The following HPSE2 variants were observed in gnomAD, a reference collection of about 807,000 sequenced individuals.
The protein encoded by HPSE2 is heparanase 2 (inactive), also known as inactive heparanase-2.
Under a neutral mutation model 60.5 loss-of-function variants are expected in HPSE2, and 38 were observed. That is an observed-to-expected ratio of 0.63 (90% CI 0.48 to 0.82). HPSE2 has a LOEUF of 0.82. Ranked by LOEUF, HPSE2 falls within the 40% of genes least tolerant of loss-of-function variation. The pLI is 0.00. For missense variants in HPSE2, 713 were observed against 740.4 expected, an observed-to-expected ratio of 0.96 and a Z score of 0.43; for synonymous variants, 295 against 293.2, an observed-to-expected ratio of 1.01 and a Z score of -0.06.
chr10:98,916,160 G>A (rs1323596561), intron 3 of HPSE2, among the ~76,000 whole-genome samples: 1 of 152,182 alleles, frequency 6.6e-6, no homozygotes, highest in Non-Finnish European at 1.5e-5. Context: ...AACCATCCAG[G>A]TTTGTCAGAG....
At chr10:98,563,032 AGGTTAC>A (rs1438192121) in intron 9 of HPSE2, among the ~76,000 whole-genome samples, 1 of 152,178 alleles carries the variant, frequency 6.6e-6, no homozygotes, top group East Asian at 1.9e-4. Flanking sequence ...GTTCCTCAAA[AGGTTAC>A]ACACAGAGTT....
chr10:98,882,421 G>A (rs944910200), intron 3 of HPSE2, among the ~76,000 whole-genome samples: 1 of 151,968 alleles, frequency 6.6e-6, no homozygotes, highest in African/African-American at 2.4e-5. Flanking sequence ...TCATGAGTCA[G>A]TTGCGGCTCT....
chr10:98,976,872 C>A (rs1341062415), intron 3 of HPSE2, among the ~76,000 whole-genome samples: 3 of 152,092 alleles, frequency 2.0e-5, no homozygotes, highest in Non-Finnish European at 2.9e-5. Flanking sequence ...TATGAGCAGG[C>A]CTTCAATCCA....
chr10:99,239,422 T>TG (rs1849910421), upstream of HPSE2, among the ~76,000 whole-genome samples: 5 of 123,754 alleles, frequency 4.0e-5, no homozygotes, highest in African/African-American at 1.3e-4. Flanking sequence ...GTCAAGGTTT[T>TG]TTTTTTTTTT....
intron 3 of HPSE2, among the ~76,000 whole-genome samples, chr10:98,797,524 T>C (rs1324013666): frequency 5.3e-5 from 8 of 152,096 alleles, no homozygotes; most frequent in South Asian, 2.1e-4. Context: ...CTAAGAGATA[T>C]TGGCCTTAAA....
At chr10:99,234,431 G>C (rs959369108) in intron 1 of HPSE2, among the ~76,000 whole-genome samples, 4 of 152,212 alleles carry the variant, frequency 2.6e-5, no homozygotes, top group Admixed American at 6.5e-5. Flanking sequence ...ACCTGGCCTC[G>C]GGGCAAAGTG....
chr10:98,912,795 G>A (rs959034360), intron 3 of HPSE2, among the ~76,000 whole-genome samples: 7 of 152,074 alleles, frequency 4.6e-5, no homozygotes, highest in Admixed American at 2.0e-4. Context: ...AATAGTAGCC[G>A]GGGCAGTGAG....
At chr10:98,934,474 G>T (rs1421384796) in intron 3 of HPSE2, among the ~76,000 whole-genome samples, 2 of 144,552 alleles carry the variant, frequency 1.4e-5, no homozygotes, top group South Asian at 4.2e-4. Flanking sequence ...AGGCCTGGTG[G>T]TGACAAAAAT....
At chr10:98,994,695 G>C (rs534975127) in intron 3 of HPSE2, among the ~76,000 whole-genome samples, 50 of 152,294 alleles carry the variant, frequency 3.3e-4, no homozygotes, top group African/African-American at 1.1e-3. Context: ...GTCCCTTGGT[G>C]ATGGGACCAG....
intron 9 of HPSE2, among the ~76,000 whole-genome samples, chr10:98,589,480 C>T (rs760019648): frequency 2.0e-5 from 3 of 152,198 alleles, no homozygotes; most frequent in Non-Finnish European, 4.4e-5. Context: ...AATCCTGGCT[C>T]ATCACTTTTT....
intron 3 of HPSE2, among the ~76,000 whole-genome samples, chr10:98,785,667 C>G (rs1950554676): frequency 6.7e-6 from 1 of 148,182 alleles, no homozygotes; most frequent in Non-Finnish European, 1.5e-5. Context: ...CTGGTTTAGT[C>G]TTAGGAGAGT....
At chr10:98,876,581 A>G (rs1952883351) in intron 3 of HPSE2, among the ~76,000 whole-genome samples, 1 of 151,944 alleles carries the variant, frequency 6.6e-6, no homozygotes. Flanking sequence ...TTTTTAAGGA[A>G]AATATTGAGC....
chr10:98,939,503 A>G (rs1188175287), intron 3 of HPSE2, among the ~76,000 whole-genome samples: 2 of 143,774 alleles, frequency 1.4e-5, no homozygotes, highest in Non-Finnish European at 3.0e-5. Context: ...ACATAATGGT[A>G]AAGGGATCAA....
chr10:99,155,623 T>C (rs1846513073), intron 2 of HPSE2, among the ~76,000 whole-genome samples: 1 of 144,014 alleles, frequency 6.9e-6, no homozygotes, highest in African/African-American at 2.6e-5. Flanking sequence ...GGGAAATTTA[T>C]AGCACTAAAT....
the HPSE2 span, among the ~76,000 whole-genome samples, chr10:99,257,489 T>C: frequency 6.6e-6 from 1 of 152,042 alleles, no homozygotes; most frequent in Admixed American, 6.6e-5. Flanking sequence ...AGGGATGAAA[T>C]AAGCCCCAGT....
At chr10:98,697,150 C>T (rs1263422159) in intron 5 of HPSE2, among the ~76,000 whole-genome samples, 5 of 152,202 alleles carry the variant, frequency 3.3e-5, no homozygotes, top group African/African-American at 9.6e-5. Context: ...ACAGAGGATG[C>T]GATGGATGAA....
At chr10:99,076,904 A>G (rs1458758305) in intron 3 of HPSE2, among the ~76,000 whole-genome samples, 2 of 152,210 alleles carry the variant, frequency 1.3e-5, no homozygotes, top group Non-Finnish European at 2.9e-5. Context: ...TCTGGGTCGC[A>G]AAGAACTCTC....
At chr10:98,824,153 T>G (rs1951488170) in intron 3 of HPSE2, among the ~76,000 whole-genome samples, 1 of 152,180 alleles carries the variant, frequency 6.6e-6, no homozygotes, top group Non-Finnish European at 1.5e-5. Context: ...TACTGTATGA[T>G]TCCACATATA....
At chr10:99,124,651 G>C (rs1845094611) in intron 3 of HPSE2, among the ~76,000 whole-genome samples, 1 of 152,256 alleles carries the variant, frequency 6.6e-6, no homozygotes, top group Non-Finnish European at 1.5e-5. Flanking sequence ...CCCAGGCTTG[G>C]CCTCAACTTT....
Sources: gnomAD v4.1 joint callset for allele counts (sites outside exome capture counted in the v4.1 genomes callset) on GRCh38, gnomAD v4.1.1 for gene constraint, MANE v1.5 for transcripts, NCBI Gene and HGNC (gene_info 2026-07-23, HGNC 2026-07-21) for gene names.